NCK2: variants seen among roughly 807,000 people sequenced by gnomAD.
The protein encoded by NCK2 is NCK adaptor protein 2, also known as cytoplasmic protein NCK2.
A neutral mutation model predicts 33.9 loss-of-function variants in NCK2; 16 were observed. The observed-to-expected ratio is 0.47, with a 90% CI of 0.32 to 0.72. NCK2 has a LOEUF of 0.72. Ranked by LOEUF, NCK2 falls within the 30% of genes least tolerant of loss-of-function variation. The probability of loss-of-function intolerance (pLI) is 0.03; values close to 1 mark genes in which losing one functional copy is unlikely to be tolerated. For synonymous variants in NCK2, 273 were observed against 239.9 expected, an observed-to-expected ratio of 1.14 and a Z score of -1.27; for missense variants, 418 against 537.3, an observed-to-expected ratio of 0.78 and a Z score of 2.19.
At chr2:105,758,643 T>C (rs4851842) in intron 1 of NCK2, among the ~76,000 whole-genome samples, 126,461 of 151,782 alleles carry the variant, frequency 0.83, 52,879 homozygotes, top group Admixed American at 0.88. Context: ...CTCCTGACCT[T>C]GTGATCCACC....
chr2:105,828,638 TAA>T (rs1283972931), intron 2 of NCK2, among the ~76,000 whole-genome samples: 1 of 152,224 alleles, frequency 6.6e-6, no homozygotes, highest in Non-Finnish European at 1.5e-5. Context: ...ACACAAGCAC[TAA>T]CCCTGGGGTC....
intron 2 of NCK2, among the ~76,000 whole-genome samples, chr2:105,838,313 T>G (rs1164145488): frequency 2.6e-5 from 4 of 151,476 alleles, no homozygotes; most frequent in Admixed American, 2.0e-4. Flanking sequence ...TTAAAATGTT[T>G]TTTTTTTTTT....
intron 1 of NCK2, among the ~76,000 whole-genome samples, chr2:105,751,272 C>G (rs1237203788): frequency 6.6e-6 from 1 of 152,190 alleles, no homozygotes; most frequent in Non-Finnish European, 1.5e-5. Context: ...AACTAGTTAT[C>G]AACCCCTATT....
At chr2:105,817,056 G>C (rs7562054) in intron 2 of NCK2, among the ~76,000 whole-genome samples, 43,163 of 151,708 alleles carry the variant, frequency 0.28, 6,941 homozygotes, top group South Asian at 0.39. Context: ...TGCACATGTA[G>C]TCTCAGCTAT....
At chr2:105,810,139 G>A (rs1393889411) in intron 1 of NCK2, among the ~76,000 whole-genome samples, 1 of 152,116 alleles carries the variant, frequency 6.6e-6, no homozygotes, top group Admixed American at 6.5e-5. Context: ...AAAGGAGTGT[G>A]GAATTTTATC....
chr2:105,778,200 A>C (rs1482687123), intron 1 of NCK2, among the ~76,000 whole-genome samples: 1 of 152,150 alleles, frequency 6.6e-6, no homozygotes, highest in Non-Finnish European at 1.5e-5. Flanking sequence ...GGGACCTAGA[A>C]AGCCCCCTGC....
At chr2:105,879,839 A>G (rs1257354568) in intron 3 of NCK2, among the ~76,000 whole-genome samples, 2 of 152,250 alleles carry the variant, frequency 1.3e-5, no homozygotes, top group Non-Finnish European at 2.9e-5. Flanking sequence ...AGTTTAAGGA[A>G]GAAAAGGAGA....
chr2:105,892,467 T>C (rs1346519790), intron 4 of NCK2, among the ~76,000 whole-genome samples: 1 of 150,688 alleles, frequency 6.6e-6, no homozygotes, highest in Non-Finnish European at 1.5e-5. Flanking sequence ...GAATTTATTT[T>C]TTCTTTGGTT....
intron 2 of NCK2, among the ~76,000 whole-genome samples, chr2:105,817,905 T>C (rs1675557946): frequency 6.6e-6 from 1 of 152,072 alleles, no homozygotes; most frequent in African/African-American, 2.4e-5. Context: ...GAAATACCAT[T>C]TGACCCAGCC....
At chr2:105,872,923 C>G (rs1678074276) in intron 3 of NCK2, among the ~76,000 whole-genome samples, 1 of 152,206 alleles carries the variant, frequency 6.6e-6, no homozygotes, top group African/African-American at 2.4e-5. Flanking sequence ...TTCTGATGCC[C>G]TTCCCGGAAG....
intron 2 of NCK2, among the ~76,000 whole-genome samples, chr2:105,844,745 GGGAT>G (rs1558866412): frequency 4.9e-5 from 3 of 61,006 alleles, no homozygotes; most frequent in East Asian, 4.9e-4. Context: ...GGGGCGGGGG[GGGAT>G]ATATATATAT....
intron 1 of NCK2, among the ~76,000 whole-genome samples, chr2:105,775,653 A>T (rs1690274243): frequency 1.3e-5 from 2 of 152,198 alleles, no homozygotes; most frequent in Admixed American, 1.3e-4. Context: ...AGTGAAGAAT[A>T]ATCAGCTAAT....
At position 105,881,907 on chromosome 2, in the gene NCK2, T is replaced by C; in HGVS notation, c.806T>C (p.Ile269Thr). The change falls in exon 4 of 5, where the codon ATA becomes ACA. Residue 269 changes from isoleucine to threonine, a missense_variant. By Grantham distance (89) the Ile-to-Thr change is moderately conservative (BLOSUM62 -1). Coordinates refer to ENST00000233154, the MANE Select transcript of NCK2 (RefSeq NM_003581.5). ...CTGCACCCTGCGCACGCCCCACAGA[T>C]AAGCTACACCGGGCCCTCGTCCAGC... ...PALHPAHAPQ[I>T]SYTGPSSSGR... 6.4e-7 allele frequency: 1 copy of C among 1,568,104 alleles called. No individual in the cohort carries two copies. The highest frequency in any genetic ancestry group is 8.6e-7 in the Non-Finnish European group (1 of 1,157,638).
Position 105,881,671 on chromosome 2 carries a change from T to C in NCK2, c.570T>C (p.Asn190=). 6.2e-7 allele frequency: 1 copy of C among 1,613,444 alleles called. No homozygotes were observed. The highest frequency in any genetic ancestry group is 2.2e-5 in the East Asian group (1 of 44,840). The change falls in exon 4 of 5, where the codon AAT becomes AAC. Residue 190 remains asparagine (N), a synonymous_variant. Coordinates refer to ENST00000233154, the MANE Select transcript of NCK2 (RefSeq NM_003581.5). Reference sequence around the variant, plus strand: ...TGCGCAAGGGCGCCTCGCTGAGCAATGGCCAGGGCTCCCGCGTGCTGCATG... The same window carrying C: ...TGCGCAAGGGCGCCTCGCTGAGCAACGGCCAGGGCTCCCGCGTGCTGCATG... ...LSLRKGASLS[N]GQGSRVLHVV... is the part of the protein sequence containing the mutation.
intron 3 of NCK2, among the ~76,000 whole-genome samples, chr2:105,870,210 G>A (rs112634966): frequency 8.5e-5 from 13 of 152,342 alleles, no homozygotes; most frequent in African/African-American, 3.1e-4. Flanking sequence ...CCAAGCAGGG[G>A]CCCTACAGGT....
At chr2:105,789,210 CAG>C (rs1372315702) in intron 1 of NCK2, among the ~76,000 whole-genome samples, 6 of 152,038 alleles carry the variant, frequency 3.9e-5, no homozygotes, top group Non-Finnish European at 8.8e-5. Context: ...TTTTTGGAGA[CAG>C]AGTCTTACCC....
intron 4 of NCK2, among the ~76,000 whole-genome samples, chr2:105,887,482 G>A (rs1678765180): frequency 6.6e-6 from 1 of 152,216 alleles, no homozygotes; most frequent in Non-Finnish European, 1.5e-5. Flanking sequence ...GGTCTGTGTG[G>A]AAGGCCTGGT....
intron 3 of NCK2, among the ~76,000 whole-genome samples, chr2:105,867,657 G>A (rs904537918): frequency 1.3e-5 from 2 of 152,202 alleles, no homozygotes; most frequent in African/African-American, 4.8e-5. Flanking sequence ...ACAGTGGGGT[G>A]TGTGGGATTC....
At chr2:105,750,065 C>CACACACAAAA (rs1689406623) in intron 1 of NCK2, among the ~76,000 whole-genome samples, 1 of 151,760 alleles carries the variant, frequency 6.6e-6, no homozygotes, top group Non-Finnish European at 1.5e-5. Flanking sequence ...CACACACACA[C>CACACACAAAA]ACAAAACAAC....
Sources: gnomAD v4.1 joint callset for allele counts (sites outside exome capture counted in the v4.1 genomes callset) on GRCh38, gnomAD v4.1.1 for gene constraint, MANE v1.5 for transcripts, NCBI Gene and HGNC (gene_info 2026-07-23, HGNC 2026-07-21) for gene names.